Variants in LRRC28 observed in about 807,000 individuals in gnomAD.
LRRC28 encodes the protein leucine-rich repeat-containing protein 28.
A neutral mutation model predicts 45.7 loss-of-function variants in LRRC28; 39 were observed. The observed-to-expected ratio is 0.85, with a 90% CI of 0.66 to 1.12. LRRC28 has a LOEUF of 1.12. Ranked by LOEUF, LRRC28 falls within the 50% of genes most tolerant of loss-of-function variation. The probability of loss-of-function intolerance (pLI) is 0.00; values close to 1 mark genes in which losing one functional copy is unlikely to be tolerated. For missense variants in LRRC28, 435 were observed against 438.5 expected (o/e 0.99, Z 0.07); for synonymous variants, 206 against 178.8 (o/e 1.15, Z -1.22).
chr15:99,264,823 T>A (rs576673269), intron 2 of LRRC28, among the ~76,000 whole-genome samples: 7 of 152,168 alleles, frequency 4.6e-5, no homozygotes, highest in African/African-American at 1.7e-4. Flanking sequence ...TAGAGAGGAG[T>A]TGAACCTCTG....
intron 7 of LRRC28, among the ~76,000 whole-genome samples, chr15:99,357,022 A>G (rs1005849369): frequency 6.6e-6 from 1 of 152,202 alleles, no homozygotes. Flanking sequence ...TCTAGGTGAC[A>G]TAGTTTCTTT....
At chr15:99,310,175 TG>T (rs1481564821) in intron 5 of LRRC28, among the ~76,000 whole-genome samples, 3 of 152,228 alleles carry the variant, frequency 2.0e-5, no homozygotes, top group African/African-American at 7.2e-5. Context: ...CTCTGGAGGT[TG>T]TTATACTACC....
intron 2 of LRRC28, among the ~76,000 whole-genome samples, chr15:99,264,119 G>T (rs542342239): frequency 6.6e-6 from 1 of 152,348 alleles, no homozygotes; most frequent in South Asian, 2.1e-4. Context: ...AGAACACACA[G>T]AACAAAGGAG....
At chr15:99,385,988 C>A in intron 9 of LRRC28, 42 bp from the exon 10 acceptor site, 1 of 1,568,870 alleles carries the variant, frequency 6.4e-7, no homozygotes, top group Non-Finnish European at 8.8e-7. Flanking sequence ...AGACTTTAAT[C>A]TTGAACTCAC....
At chr15:99,314,505 C>T (rs112251785) in intron 5 of LRRC28, among the ~76,000 whole-genome samples, 3 of 151,972 alleles carry the variant, frequency 2.0e-5, no homozygotes, top group Non-Finnish European at 4.4e-5. Flanking sequence ...CACAGAGCTG[C>T]GGAATCCATA....
At position 99,255,913 on chromosome 15, in the gene LRRC28, G is replaced by T; in HGVS notation, c.-45G>T. The stretch of plus-strand genomic sequence containing the variant: ...CTCTTTATAGAAATGGACCAATTTT[G>T]ACAAGATATAGTGCTGCAGCGTGCC... On this transcript the variant is annotated 5_prime_UTR_variant, in exon 2 of 10. The change abolishes the stop of an existing upstream ORF in the 5' untranslated region. Transcript: ENST00000301981. 1 of 1,534,476 alleles carries T rather than the reference G, an allele frequency of 6.5e-7. No individual in the cohort carries two copies. The highest frequency in any genetic ancestry group is 1.3e-5 in the South Asian group (1 of 78,794).
chr15:99,378,887 A>C (rs1031859358), intron 9 of LRRC28, among the ~76,000 whole-genome samples: 10 of 152,190 alleles, frequency 6.6e-5, no homozygotes, highest in Admixed American at 2.6e-4. Context: ...CCAGGGATGA[A>C]GCCCACTTGA....
intron 9 of LRRC28, among the ~76,000 whole-genome samples, chr15:99,366,697 C>T (rs12905920): frequency 0.011 from 1,664 of 152,142 alleles, 14 homozygotes; most frequent in South Asian, 0.017. Flanking sequence ...CCAATTATCT[C>T]CCAAAGACCT....
intron 5 of LRRC28, among the ~76,000 whole-genome samples, chr15:99,323,689 C>T (rs986884820): frequency 2.6e-5 from 4 of 152,100 alleles, no homozygotes; most frequent in Admixed American, 2.6e-4. Context: ...TCATCAATTA[C>T]AGAAGTATTT....
At chr15:99,315,284 A>G (rs1955554037) in intron 5 of LRRC28, among the ~76,000 whole-genome samples, 1 of 148,680 alleles carries the variant, frequency 6.7e-6, no homozygotes, top group South Asian at 2.1e-4. Context: ...AATTCATTTT[A>G]TTGTTTTAGG....
chr15:99,382,838 T>G (rs1230080343), intron 9 of LRRC28, among the ~76,000 whole-genome samples: 1 of 152,078 alleles, frequency 6.6e-6, no homozygotes, highest in East Asian at 1.9e-4. Context: ...TATTCAGTTT[T>G]TCTATACTTA....
intron 3 of LRRC28, among the ~76,000 whole-genome samples, chr15:99,286,033 G>A (rs1278449016): frequency 6.6e-6 from 1 of 152,046 alleles, no homozygotes; most frequent in Non-Finnish European, 1.5e-5. Flanking sequence ...GTCTTATTTT[G>A]TGTTTATTGA....
In LRRC28 at chr15:99,361,494, A is replaced by G; in HGVS notation, c.854A>G (p.Tyr285Cys). 6.2e-7 allele frequency: 1 copy of G among 1,600,700 alleles called. No homozygotes were observed. Among genetic ancestry groups the G allele is most frequent in the African/African-American group, 1.3e-5 (1 of 74,358 alleles). Residue 285 changes from tyrosine to cysteine, a missense_variant, in exon 8 of 10, where the codon TAC becomes TGC. Transcript: ENST00000301981. ...ELAMRGLYHT[Y>C]HSLLKDLNFL... ...GCTATGAGAGGGCTGTATCATACCT[A>G]CCACAGCTTGCTGAAAGGTACGTGG...
intron 1 of LRRC28, among the ~76,000 whole-genome samples, chr15:99,255,063 T>C (rs1476497282): frequency 2.0e-5 from 3 of 152,142 alleles, no homozygotes; most frequent in African/African-American, 7.2e-5. Flanking sequence ...TCCATAAAGC[T>C]AAAAACAAAG....
At chr15:99,348,487 A>G (rs1362621916) in intron 6 of LRRC28, among the ~76,000 whole-genome samples, 1 of 152,108 alleles carries the variant, frequency 6.6e-6, no homozygotes, top group Non-Finnish European at 1.5e-5. Context: ...ATTCTTTTGC[A>G]TGTGGAAATC....
At chr15:99,252,755 A>C (rs2080879615) in intron 1 of LRRC28, among the ~76,000 whole-genome samples, 1 of 152,244 alleles carries the variant, frequency 6.6e-6, no homozygotes, top group Non-Finnish European at 1.5e-5. Flanking sequence ...AGATATTAGA[A>C]GGCCTACTTT....
At chr15:99,275,701 C>T (rs2081599161) in intron 2 of LRRC28, among the ~76,000 whole-genome samples, 1 of 152,190 alleles carries the variant, frequency 6.6e-6, no homozygotes, top group Non-Finnish European at 1.5e-5. Flanking sequence ...TGAGTTTCTC[C>T]TTGCTGGGAG....
At chr15:99,258,019 A>C in intron 2 of LRRC28, 1 of 1,039,888 alleles carries the variant, frequency 9.6e-7, no homozygotes, top group Non-Finnish European at 1.5e-6. Flanking sequence ...AGGAACTAAC[A>C]GTCAAAATTA....
chr15:99,333,852 T>C (rs1417511972), intron 5 of LRRC28, 71 bp from the exon 6 acceptor site: 12 of 1,468,802 alleles, frequency 8.2e-6, no homozygotes, highest in Admixed American at 1.8e-5. Flanking sequence ...TAAACTGTTA[T>C]AATATTGATT....
Sources: allele counts gnomAD v4.1 joint callset (sites outside exome capture counted in the v4.1 genomes callset), GRCh38; gene constraint gnomAD v4.1.1; transcripts MANE v1.5; gene names NCBI Gene and HGNC (gene_info 2026-07-23, HGNC 2026-07-21).